The following AKAP8 variants were observed in gnomAD, a reference collection of about 807,000 sequenced individuals.
AKAP8 encodes the protein A-kinase anchoring protein 8.
In AKAP8, 24 loss-of-function variants were observed where a neutral mutation model predicts 67.5. That is an observed-to-expected ratio of 0.36 (90% CI 0.26 to 0.50). The LOEUF is 0.50. Ranked by LOEUF, AKAP8 falls within the 20% of genes least tolerant of loss-of-function variation. The pLI is 0.97. For synonymous variants in AKAP8, 400 were observed against 371.1 expected (o/e 1.08, Z -0.90); for missense variants, 971 against 955.9 (o/e 1.02, Z -0.21).
intron 10 of AKAP8, 87 bp from the exon 11 acceptor site, chr19:15,361,909 A>C: frequency 2.1e-6 from 3 of 1,414,024 alleles, no homozygotes; most frequent in Non-Finnish European, 3.0e-6. Context: ...GCAGGCAGCT[A>C]TCAGAGCAGC....
intron 7 of AKAP8, among the ~76,000 whole-genome samples, chr19:15,370,764 T>C (rs1967142792): frequency 1.3e-5 from 2 of 151,150 alleles, no homozygotes; most frequent in South Asian, 4.2e-4. Flanking sequence ...CCCGAGTAGC[T>C]GGGACTATAG....
chr19:15,365,720 C>A (rs1042882913), intron 9 of AKAP8, among the ~76,000 whole-genome samples: 6 of 152,124 alleles, frequency 3.9e-5, no homozygotes, highest in African/African-American at 1.4e-4. Flanking sequence ...TCCTCCAAGT[C>A]CCTTCGAGAT....
At position 15,360,956 on chromosome 19, in the gene AKAP8, G is replaced by C. The variant is rs748890822; in HGVS notation, c.1419C>G (p.Phe473Leu). Residue 473 changes from phenylalanine (F) to leucine (L), a missense_variant, in exon 12 of 14, where the codon TTC becomes TTG. Phe to Leu is a conservative substitution (Grantham distance 22). Transcript: ENST00000269701. ...PFKGIGQEHF[F>L]KKIEAAHCLA... Reference sequence around the variant, plus strand: ...GGCAGTGAGCAGCCTCGATCTTCTTGAAGAAGTGCTCCTGGCCAATCCCTG... The same window carrying C: ...GGCAGTGAGCAGCCTCGATCTTCTTCAAGAAGTGCTCCTGGCCAATCCCTG... 8 of 1,613,418 alleles carry C rather than the reference G, an allele frequency of 5.0e-6. No individual in the cohort carries two copies. Among genetic ancestry groups the C allele is most frequent in the Admixed American group, 3.3e-5 (2 of 59,994 alleles).
At chr19:15,364,122 A>AAAAAAG (rs1451154955) in intron 9 of AKAP8, among the ~76,000 whole-genome samples, 4 of 144,916 alleles carry the variant, frequency 2.8e-5, no homozygotes, top group African/African-American at 1.0e-4. Context: ...AAAAAAAAAA[A>AAAAAAG]AAAGAAACAG....
In AKAP8 at chr19:15,354,736, C is replaced by T. The variant is rs554045915; in HGVS notation, c.*179G>A. 4.4e-6 allele frequency: 3 copies of T among 676,190 alleles called. No individual in the cohort carries two copies. In the African/African-American group the frequency reaches 5.4e-5, roughly 12 times the overall value. 41.9% of individuals were successfully genotyped at this position (676,190 alleles called of 1,614,324 possible). A position where few individuals can be genotyped will look rare whatever the true frequency, so the allele number is the denominator to read the frequency against. ...GCTTTGAAACCTGGGCAAGAAGCCACACGACTGCATGAGACAAGCCGTGAG... is the reference window on the plus strand; with the variant it reads ...GCTTTGAAACCTGGGCAAGAAGCCATACGACTGCATGAGACAAGCCGTGAG... On this transcript the variant is annotated 3_prime_UTR_variant, in exon 14 of 14. Transcript: ENST00000269701.
At position 15,369,511 on chromosome 19, in the gene AKAP8, G is replaced by T. The variant is rs1967120280; in HGVS notation, c.1072+635C>A. ...TGAGCTCCAGGCCGCGGCACCTCAG[G>T]CCGCTCTGCCATGAGGGATTTAAGC... is the stretch of plus-strand genomic sequence containing the variant. On this transcript the variant is annotated intron_variant, in intron 8 of 13. Transcript: ENST00000269701. This position sits in a 1 kb window ranked among gnomAD's most constrained non-coding sequence, Gnocchi z 4.6. Among the ~76,000 whole-genome samples, 1 of 152,224 alleles carries T rather than the reference G, an allele frequency of 6.6e-6. No homozygotes were observed. Among genetic ancestry groups the T allele is most frequent in the South Asian group, 2.1e-4 (1 of 4,834 alleles).
intron 9 of AKAP8, among the ~76,000 whole-genome samples, chr19:15,366,231 C>T (rs759220360): frequency 6.8e-5 from 10 of 147,268 alleles, no homozygotes; most frequent in Non-Finnish European, 1.2e-4. Flanking sequence ...GGGAGGCCAA[C>T]GCAGGAAGAT....
Position 15,370,072 on chromosome 19 carries a change from C to G in AKAP8, c.1072+74G>C, listed in dbSNP as rs1199894603. The G allele has an allele frequency of 8.2e-6, 13 of 1,589,200 alleles. No individual in the cohort carries two copies. In the East Asian group the frequency reaches 1.8e-4, roughly 22 times the overall value. The stretch of plus-strand genomic sequence containing the variant: ...CCCCTCCATCCAGGCCCCTGGCTTG[C>G]TCAGAAGCTGGGCAGTAAGTGCGGG... On this transcript the variant is annotated intron_variant, in intron 8 of 13. Coordinates refer to ENST00000269701, the MANE Select transcript of AKAP8 (RefSeq NM_005858.4).
chr19:15,365,561 A>G (rs1445588889), intron 9 of AKAP8, among the ~76,000 whole-genome samples: 3 of 152,110 alleles, frequency 2.0e-5, no homozygotes, highest in African/African-American at 7.2e-5. Context: ...CTGACCTCTG[A>G]CAAGCAACAT....
chr19:15,355,752 T>TG (rs1176212861), intron 13 of AKAP8, among the ~76,000 whole-genome samples: 1 of 151,746 alleles, frequency 6.6e-6, no homozygotes, highest in African/African-American at 2.4e-5. Flanking sequence ...TTTTTTTTTT[T>TG]TTGAGACGGA....
Position 15,354,977 on chromosome 19 carries a change from C to T in AKAP8, c.2017G>A (p.Ala673Thr). Reference sequence around the variant, plus strand: ...GTTTGTTCCACTTCAGCATCCGCGGCAGCTGGGGCAGGAGCAACTCTGGTT... The same window carrying T: ...GTTTGTTCCACTTCAGCATCCGCGGTAGCTGGGGCAGGAGCAACTCTGGTT... ...AQTRVAPAPA[A>T]ADAEVEQTDA... Residue 673 changes from alanine (A) to threonine (T), a missense_variant, in exon 14 of 14, where the codon GCC becomes ACC. By Grantham distance (58) the Ala-to-Thr change is moderately conservative. This residue lies in a region of AKAP8 where 204 missense variants were observed against 193.0 expected (regional missense o/e 1.06). Coordinates refer to ENST00000269701, the MANE Select transcript of AKAP8 (RefSeq NM_005858.4). 6.2e-7 allele frequency: 1 copy of T among 1,614,194 alleles called. No individual in the cohort carries two copies. Among genetic ancestry groups the T allele is most frequent in the Non-Finnish European group, 8.5e-7 (1 of 1,180,038 alleles).
Position 15,358,099 on chromosome 19 carries a change from G to A in AKAP8, c.1623+868C>T, listed in dbSNP as rs371471360. On this transcript the variant is annotated intron_variant, in intron 13 of 13. Coordinates refer to ENST00000269701, the MANE Select transcript of AKAP8 (RefSeq NM_005858.4). Reference sequence around the variant, plus strand: ...CAAAGGTCCTGAAGTCAGGTTGTGGGCTGGGACTTAGCCACCTGCCCCAAA... The same window carrying A: ...CAAAGGTCCTGAAGTCAGGTTGTGGACTGGGACTTAGCCACCTGCCCCAAA... Among the ~76,000 whole-genome samples the A allele has an allele frequency of 1.7e-3, 261 of 152,288 alleles. 1 individual carries two copies. Among genetic ancestry groups the A allele is most frequent in the Middle Eastern group, 0.01 (3 of 294 alleles).
At chr19:15,373,502 G>A (rs549495498) in intron 4 of AKAP8, among the ~76,000 whole-genome samples, 162 bp from the exon 5 acceptor site, 1 of 151,966 alleles carries the variant, frequency 6.6e-6, no homozygotes, top group Non-Finnish European at 1.5e-5. Flanking sequence ...ACCCTCCCTG[G>A]AACACTGCTG....
At position 15,359,024 on chromosome 19, in the gene AKAP8, C is replaced by G. The variant is rs2145061225; in HGVS notation, c.1566G>C (p.Val522=). 1.2e-6 allele frequency: 2 copies of G among 1,614,192 alleles called. No homozygotes were observed. Among genetic ancestry groups the G allele is most frequent in the East Asian group, 4.5e-5 (2 of 44,890 alleles). The change falls in exon 13 of 14, where the codon GTG becomes GTC. Residue 522 remains valine (V), a synonymous_variant. Transcript: ENST00000269701. The stretch of plus-strand genomic sequence containing the variant: ...GTCTGTTGTTCAAAACACTCTTAGC[C>G]ACATGGAGACTGGTTTTCTTGAACT... ...AEQFKKTSLH[V]AKSVLNNRHI... is the part of the protein sequence containing the mutation.
chr19:15,372,452 G>A (rs1967175532), intron 5 of AKAP8, 105 bp from the exon 6 acceptor site: 1 of 1,452,762 alleles, frequency 6.9e-7, no homozygotes, highest in Non-Finnish European at 9.3e-7. Context: ...GGCACAAAAG[G>A]TCTTTTCAAA....
At chr19:15,366,839 C>A (rs1312588144) in intron 9 of AKAP8, among the ~76,000 whole-genome samples, 4 of 152,108 alleles carry the variant, frequency 2.6e-5, no homozygotes, top group Non-Finnish European at 5.9e-5. Context: ...GAACTCCCAA[C>A]CTCAGGTGAT....
intron 1 of AKAP8, 47 bp downstream of exon 1, chr19:15,379,665 CG>C (rs1868728884): frequency 2.5e-6 from 4 of 1,585,744 alleles, no homozygotes; most frequent in African/African-American, 1.4e-5. Context: ...CTGCGTCGCC[CG>C]CACAGAGCCT....
At chr19:15,360,406 A>G (rs1966945910) in intron 12 of AKAP8, among the ~76,000 whole-genome samples, 1 of 152,166 alleles carries the variant, frequency 6.6e-6, no homozygotes, top group South Asian at 2.1e-4. Context: ...AAAAATACTC[A>G]TGATCTGACT....
intron 11 of AKAP8, 83 bp from the exon 12 acceptor site, chr19:15,361,061 C>T (rs1966956982): frequency 4.6e-6 from 7 of 1,520,034 alleles, no homozygotes; most frequent in South Asian, 2.5e-5. Flanking sequence ...CACGTTTTCT[C>T]CCTGCAACTC....
Sources: gnomAD v4.1 joint callset for allele counts (sites outside exome capture counted in the v4.1 genomes callset) on GRCh38, gnomAD v4.1.1 for gene constraint, gnomAD v4.1.1 regional missense constraint, Gnocchi (gnomAD v3.1) non-coding constraint, MANE v1.5 for transcripts, NCBI Gene and HGNC (gene_info 2026-07-23, HGNC 2026-07-21) for gene names.